ZBTB20: variants seen among roughly 807,000 people sequenced by gnomAD.
ZBTB20 encodes zinc finger and BTB domain-containing protein 20.
In ZBTB20, 9 loss-of-function variants were observed where a neutral mutation model predicts 56.9. That is an observed-to-expected ratio of 0.16 (90% CI 0.10 to 0.28). The LOEUF (loss-of-function observed/expected upper bound fraction) is 0.28. Among genes scored for constraint, ZBTB20 ranks in the 10% least tolerant of loss-of-function variants. The probability of loss-of-function intolerance (pLI) is 1.00; values close to 1 mark genes in which losing one functional copy is unlikely to be tolerated. For synonymous variants in ZBTB20, 417 were observed against 420.7 expected, an observed-to-expected ratio of 0.99 and a Z score of 0.11; for missense variants, 655 against 1,003.0, an observed-to-expected ratio of 0.65 and a Z score of 4.69.
At chr3:114,897,652 A>T (rs973381692) in intron 4 of ZBTB20, among the ~76,000 whole-genome samples, 13 of 152,094 alleles carry the variant, frequency 8.5e-5, no homozygotes, top group African/African-American at 2.9e-4. Context: ...TCTAATATTG[A>T]GACTAACAGA....
chr3:114,812,113 T>C (rs545548134), intron 4 of ZBTB20, among the ~76,000 whole-genome samples: 451 of 152,290 alleles, frequency 3.0e-3, no homozygotes, highest in Non-Finnish European at 5.1e-3. Flanking sequence ...GCAAGATTTA[T>C]TGCAAAGAGT....
chr3:115,110,038 C>T lies in ZBTB20; in HGVS notation c.-703+37181G>A, dbSNP rs7639241. Among the ~76,000 whole-genome samples the T allele has an allele frequency of 6.8e-3, 1,034 of 152,030 alleles. 13 individuals are homozygous for T. Among genetic ancestry groups the T allele is most frequent in the African/African-American group, 0.023 (954 of 41,482 alleles). ...CAGCCTGGCCAACATGGCGAAACTCCGTCTCTACTAAAAATACAAAAAAAT... is the reference window on the plus strand; with the variant it reads ...CAGCCTGGCCAACATGGCGAAACTCTGTCTCTACTAAAAATACAAAAAAAT... On this transcript the variant is annotated intron_variant, in intron 1 of 11. Transcript: ENST00000675478.
At chr3:114,530,623 G>C (rs1159951886) in intron 6 of ZBTB20, among the ~76,000 whole-genome samples, 1 of 152,114 alleles carries the variant, frequency 6.6e-6, no homozygotes, top group African/African-American at 2.4e-5. Flanking sequence ...TAAGAACTAG[G>C]TAATTTAAAA....
At chr3:114,970,625 G>A (rs1021103808) in intron 3 of ZBTB20, among the ~76,000 whole-genome samples, 18 of 152,168 alleles carry the variant, frequency 1.2e-4, no homozygotes, top group African/African-American at 4.3e-4. Context: ...TGGTACGTAA[G>A]TTATGCATTA....
At chr3:114,503,153 T>C (rs571496177) in intron 6 of ZBTB20, among the ~76,000 whole-genome samples, 9 of 152,284 alleles carry the variant, frequency 5.9e-5, no homozygotes, top group African/African-American at 1.9e-4. Flanking sequence ...TGAAAAACTA[T>C]CTTTCCTGGA....
At chr3:114,393,852 G>A (rs1047642938) in intron 7 of ZBTB20, among the ~76,000 whole-genome samples, 1 of 152,120 alleles carries the variant, frequency 6.6e-6, no homozygotes, top group African/African-American at 2.4e-5. Flanking sequence ...TGTCAGAGGC[G>A]AACAGACAGT....
At chr3:114,754,115 T>C (rs1486729007) in intron 5 of ZBTB20, among the ~76,000 whole-genome samples, 3 of 152,050 alleles carry the variant, frequency 2.0e-5, no homozygotes, top group Non-Finnish European at 4.4e-5. Context: ...GAGCAAAGAG[T>C]GCCACGTGAG....
intron 7 of ZBTB20, among the ~76,000 whole-genome samples, chr3:114,400,832 C>A (rs1292145624): frequency 6.6e-6 from 1 of 152,078 alleles, no homozygotes; most frequent in Non-Finnish European, 1.5e-5. Context: ...GCCTCCTCTC[C>A]TGATAACCTA....
intron 6 of ZBTB20, among the ~76,000 whole-genome samples, chr3:114,502,132 T>A (rs1335640587): frequency 6.6e-6 from 1 of 152,166 alleles, no homozygotes; most frequent in Admixed American, 6.5e-5. Flanking sequence ...TCTAGCCCAC[T>A]TAAATATATC....
intron 7 of ZBTB20, among the ~76,000 whole-genome samples, chr3:114,461,215 T>G (rs1427526503): frequency 2.6e-5 from 4 of 151,774 alleles, no homozygotes; most frequent in African/African-American, 9.7e-5. Context: ...CCACCCCACA[T>G]TTTTTTCTGA....
chr3:114,551,537 T>A (rs1401241317), intron 6 of ZBTB20, among the ~76,000 whole-genome samples: 2 of 152,188 alleles, frequency 1.3e-5, no homozygotes, highest in Non-Finnish European at 2.9e-5. Context: ...GCATTTGGGA[T>A]GAGCCTTTGA....
chr3:114,455,151 AAAG>A (rs1287620282), intron 7 of ZBTB20, among the ~76,000 whole-genome samples: 1 of 150,862 alleles, frequency 6.6e-6, no homozygotes, highest in Non-Finnish European at 1.5e-5. Flanking sequence ...GAGAGAGAGA[AAAG>A]GAGAAGGAGA....
intron 6 of ZBTB20, among the ~76,000 whole-genome samples, chr3:114,509,273 A>T (rs2045030065): frequency 6.6e-6 from 1 of 152,036 alleles, no homozygotes; most frequent in Admixed American, 6.6e-5. Context: ...CCCAACCACA[A>T]CTTGCTCTCA....
chr3:114,494,473 A>G (rs371460094), intron 7 of ZBTB20, among the ~76,000 whole-genome samples: 6 of 151,980 alleles, frequency 3.9e-5, no homozygotes, highest in African/African-American at 1.2e-4. Context: ...CCTCTTCCCT[A>G]CTCCTAGTTT....
chr3:114,440,913 T>G (rs567366959), intron 7 of ZBTB20, among the ~76,000 whole-genome samples: 2 of 152,218 alleles, frequency 1.3e-5, no homozygotes, highest in Admixed American at 1.3e-4. Context: ...ATTAGGGCTG[T>G]CCTCTCTGAG....
chr3:115,087,997 T>C (rs1465068732), intron 1 of ZBTB20, among the ~76,000 whole-genome samples: 3 of 151,882 alleles, frequency 2.0e-5, no homozygotes, highest in Non-Finnish European at 4.4e-5. Context: ...GGATACCACC[T>C]CCCACAACTA....
intron 2 of ZBTB20, among the ~76,000 whole-genome samples, chr3:115,013,140 T>C (rs1490572463): frequency 1.3e-5 from 2 of 151,220 alleles, no homozygotes; most frequent in Non-Finnish European, 3.0e-5. Context: ...AACAACCCAG[T>C]GATGCATATT....
intron 3 of ZBTB20, among the ~76,000 whole-genome samples, chr3:114,908,055 A>G (rs1439475811): frequency 6.6e-6 from 1 of 151,952 alleles, no homozygotes; most frequent in Non-Finnish European, 1.5e-5. Flanking sequence ...GGAGTTAGCC[A>G]GAAATGCCTT....
chr3:114,515,542 G>C (rs1365925062), intron 6 of ZBTB20, among the ~76,000 whole-genome samples: 2 of 152,278 alleles, frequency 1.3e-5, no homozygotes, highest in East Asian at 1.9e-4. Flanking sequence ...CTCCTAGTCA[G>C]TTTCCTTTTT....
Sources: gnomAD v4.1 joint callset for allele counts (sites outside exome capture counted in the v4.1 genomes callset) on GRCh38, gnomAD v4.1.1 for gene constraint, MANE v1.5 for transcripts, NCBI Gene and HGNC (gene_info 2026-07-23, HGNC 2026-07-21) for gene names.